IKBKB: variants seen among roughly 807,000 people sequenced by gnomAD.
The protein encoded by IKBKB is inhibitor of nuclear factor kappa-B kinase subunit beta.
Under a neutral mutation model 113.6 loss-of-function variants are expected in IKBKB, and 42 were observed. The observed-to-expected ratio is 0.37, with a 90% CI of 0.29 to 0.48. IKBKB has a LOEUF of 0.48. Ranked by LOEUF, IKBKB falls within the 20% of genes least tolerant of loss-of-function variation. IKBKB has a pLI of 0.99. For missense variants in IKBKB, 673 were observed against 939.7 expected (o/e 0.72, Z 3.71); for synonymous variants, 296 against 361.3 (o/e 0.82, Z 2.05).
chr8:42,325,684 A>C, intron 19 of IKBKB: 1 of 1,168,314 alleles, frequency 8.6e-7, no homozygotes, highest in Non-Finnish European at 1.1e-6. Context: ...AATCATAATC[A>C]ATCAGTAAAG....
chr8:42,310,452 A>C (rs1817498172), intron 8 of IKBKB, among the ~76,000 whole-genome samples: 1 of 152,060 alleles, frequency 6.6e-6, no homozygotes, highest in African/African-American at 2.4e-5. Context: ...ATATTTGTTT[A>C]TTTGTACATT....
In IKBKB at chr8:42,326,112, G is replaced by T. The variant is rs1285241080; in HGVS notation, c.2114+15G>T. 5.6e-6 allele frequency: 9 copies of T among 1,613,978 alleles called. No homozygotes were observed. The highest frequency in any genetic ancestry group is 2.7e-5 in the African/African-American group (2 of 74,930). On this transcript the variant is annotated intron_variant, in intron 20 of 21. Coordinates refer to ENST00000520810, the MANE Select transcript of IKBKB (RefSeq NM_001556.3). ...GCCAAGAAGAGGTAGGTCCTCCTTA[G>T]CAGTGCCAAGTGTGACCATCAAGGG...
rs36095309 is a variant in IKBKB at position 42,293,379 on chromosome 8, CAT to C, written c.319-63_319-62del. The stretch of plus-strand genomic sequence containing the variant: ...TCTGGTCACATGGGCTGGTAAGAGA[CAT>C]GTGTGGATTTCCGGTGGTTTGTGAC... On this transcript the variant is annotated intron_variant, in intron 4 of 21. Transcript: ENST00000520810. 6.8e-4 allele frequency: 1,093 copies of C among 1,604,936 alleles called. 1 individual carries two copies. The highest frequency in any genetic ancestry group is 8.2e-4 in the Non-Finnish European group (966 of 1,173,482).
In IKBKB at chr8:42,316,285, C is replaced by T. The variant is rs1365856521; in HGVS notation, c.876C>T (p.Pro292=). 1.2e-6 allele frequency: 2 copies of T among 1,614,100 alleles called. No homozygotes were observed. Among genetic ancestry groups the T allele is most frequent in the South Asian group, 1.1e-5 (1 of 91,076 alleles). Residue 292 remains proline (P), a synonymous_variant, in exon 10 of 22, where the codon CCC becomes CCT. Transcript: ENST00000520810. This position sits in a 1 kb window ranked among gnomAD's most constrained non-coding sequence, Gnocchi z 4.5. ...ACCCCCGACAGAGGGGCACGGATCC[C>T]ACGTATGGGCCCAATGGCTGCTTCA... ...MWHPRQRGTD[P]TYGPNGCFKA...
chr8:42,298,215 G>T lies in IKBKB; in HGVS notation c.388+4703G>T, dbSNP rs189329168. 6,021 of 985,420 alleles carry T rather than the reference G, an allele frequency of 6.1e-3. 24 individuals are homozygous for T. The highest frequency in any genetic ancestry group is 6.9e-3 in the Non-Finnish European group (5,764 of 829,922). 61.0% of individuals were successfully genotyped at this position (985,420 alleles called of 1,614,324 possible). A position where few individuals can be genotyped will look rare whatever the true frequency, so the allele number is the denominator to read the frequency against. On this transcript the variant is annotated intron_variant, in intron 5 of 21. Coordinates refer to ENST00000520810, the MANE Select transcript of IKBKB (RefSeq NM_001556.3). Reference sequence around the variant, plus strand: ...AGGGCAGGCTGTGGTGCTCTCTCCTGCCTGATGGGGTGTGGCTCTGCTGGG... The same window carrying T: ...AGGGCAGGCTGTGGTGCTCTCTCCTTCCTGATGGGGTGTGGCTCTGCTGGG...
chr8:42,273,753 A>G (rs561178143), intron 2 of IKBKB, among the ~76,000 whole-genome samples: 3 of 151,890 alleles, frequency 2.0e-5, no homozygotes, highest in African/African-American at 7.2e-5. Flanking sequence ...TGGTCTCACA[A>G]TGTTGTCCAG....
intron 4 of IKBKB, among the ~76,000 whole-genome samples, chr8:42,293,094 C>T (rs976542210): frequency 1.3e-5 from 2 of 152,204 alleles, no homozygotes; most frequent in African/African-American, 4.8e-5. Context: ...CCTGGCCCGT[C>T]TCTAGGACTC....
intron 2 of IKBKB, among the ~76,000 whole-genome samples, chr8:42,282,028 A>G (rs555360823): frequency 6.6e-6 from 1 of 152,264 alleles, no homozygotes; most frequent in East Asian, 1.9e-4. Context: ...TTTACACCTT[A>G]TGACACACAT....
Position 42,318,861 on chromosome 8 carries a change from C to T in IKBKB, c.1364+186C>T, listed in dbSNP as rs886455836. ...CTGACGGAGGCCCCTTTAGACCTGG[C>T]GAGGTGAGTGTGGTTGGCACAGGGT... On this transcript the variant is annotated intron_variant, in intron 13 of 21. Coordinates refer to ENST00000520810, the MANE Select transcript of IKBKB (RefSeq NM_001556.3). The T allele has an allele frequency of 6.3e-5, 37 of 589,054 alleles. No individual in the cohort carries two copies. The highest frequency in any genetic ancestry group is 1.8e-4 in the East Asian group (6 of 33,478). The allele number at this position is 589,054 out of a possible 1,614,324, so 36.5% of individuals were successfully genotyped here.
rs1330122110 is a variant in IKBKB at position 42,272,187 on chromosome 8, C to A, written c.87C>A (p.Val29=). 1 of 1,614,142 alleles carries A rather than the reference C, an allele frequency of 6.2e-7. No individual in the cohort carries two copies. Among genetic ancestry groups the A allele is most frequent in the Admixed American group, 1.7e-5 (1 of 60,012 alleles). The change falls in exon 2 of 22, where the codon GTC becomes GTA. Residue 29 remains valine (V), a synonymous_variant. Coordinates refer to ENST00000520810, the MANE Select transcript of IKBKB (RefSeq NM_001556.3). The part of the protein sequence containing the change: ...ERLGTGGFGN[V]IRWHNQETGE... ...TTGGGACAGGGGGATTTGGAAATGTCATCCGATGGCACAATCAGGTAGGCC... is the reference window on the plus strand; with the variant it reads ...TTGGGACAGGGGGATTTGGAAATGTAATCCGATGGCACAATCAGGTAGGCC...
intron 2 of IKBKB, among the ~76,000 whole-genome samples, chr8:42,283,679 A>AC (rs1221390077): frequency 2.6e-5 from 4 of 152,330 alleles, no homozygotes; most frequent in Middle Eastern, 3.4e-3. Context: ...GCTCAGGGAG[A>AC]CCCACATCAG....
intron 2 of IKBKB, among the ~76,000 whole-genome samples, chr8:42,273,430 A>G (rs1808253516): frequency 6.6e-6 from 1 of 150,744 alleles, no homozygotes; most frequent in Admixed American, 6.6e-5. Flanking sequence ...ATATATATAT[A>G]TATATATATT....
intron 19 of IKBKB, chr8:42,325,549 C>T (rs1820574381): frequency 3.2e-6 from 2 of 620,056 alleles, no homozygotes; most frequent in Non-Finnish European, 4.1e-6. Flanking sequence ...TGTAGTGGCA[C>T]ACACCTGTAA....
chr8:42,327,053 T>C (rs567428463), intron 20 of IKBKB, among the ~76,000 whole-genome samples: 9 of 152,352 alleles, frequency 5.9e-5, no homozygotes, highest in Middle Eastern at 3.4e-3. Flanking sequence ...TGCACAGCTC[T>C]GTAAATACGC....
Position 42,329,199 on chromosome 8 carries a change from A to C in IKBKB, c.2190A>C (p.Gln730His). 1.9e-6 allele frequency: 3 copies of C among 1,593,378 alleles called. No individual in the cohort carries two copies. The highest frequency in any genetic ancestry group is 2.6e-6 in the Non-Finnish European group (3 of 1,172,638). The change falls in exon 21 of 22, where the codon CAA becomes CAC. Residue 730 changes from glutamine to histidine, a missense_variant. Around this residue, in one of 2 missense-constraint regions of IKBKB, gnomAD observed 506 missense variants for 638.7 expected, o/e 0.79. Coordinates refer to ENST00000520810, the MANE Select transcript of IKBKB (RefSeq NM_001556.3). The part of the protein sequence containing the change: ...ENAIQDTVRE[Q>H]DQSFTALDWS... Reference sequence around the variant, plus strand: ...CCATACAGGACACTGTGAGGGAACAAGACCAGAGTTTCACGGTAACAGCTT... The same window carrying C: ...CCATACAGGACACTGTGAGGGAACACGACCAGAGTTTCACGGTAACAGCTT...
chr8:42,279,650 A>C (rs1160274132), intron 2 of IKBKB, among the ~76,000 whole-genome samples: 1 of 152,128 alleles, frequency 6.6e-6, no homozygotes, highest in Non-Finnish European at 1.5e-5. Flanking sequence ...ACTCACCCAC[A>C]GACCTGAGCT....
intron 5 of IKBKB, 77 bp from the exon 6 acceptor site, chr8:42,305,108 TTA>T: frequency 1.1e-6 from 1 of 942,752 alleles, no homozygotes; most frequent in Non-Finnish European, 1.7e-6. Flanking sequence ...CATGCGGCAT[TTA>T]TCTTTTGCAG....
chr8:42,291,289 C>T (rs956705458), intron 4 of IKBKB, among the ~76,000 whole-genome samples: 5 of 152,144 alleles, frequency 3.3e-5, no homozygotes, highest in African/African-American at 1.2e-4. Context: ...CCACGTGATT[C>T]TCCTGCCTCA....
chr8:42,277,251 C>T (rs1004579579), intron 2 of IKBKB, among the ~76,000 whole-genome samples: 4 of 148,448 alleles, frequency 2.7e-5, no homozygotes, highest in Admixed American at 6.8e-5. Context: ...GGCTTGATCT[C>T]GGCTCACTGC....
Sources: allele counts gnomAD v4.1 joint callset (sites outside exome capture counted in the v4.1 genomes callset), GRCh38; gene constraint gnomAD v4.1.1; regional missense constraint gnomAD v4.1.1; non-coding constraint Gnocchi (gnomAD v3.1); transcripts MANE v1.5; gene names NCBI Gene and HGNC (gene_info 2026-07-23, HGNC 2026-07-21).